CNTNAP2: variants seen among roughly 807,000 people sequenced by gnomAD.
The protein encoded by CNTNAP2 is contactin associated protein 2, also known as contactin-associated protein-like 2.
A neutral mutation model predicts 155.2 loss-of-function variants in CNTNAP2; 98 were observed. That is an observed-to-expected ratio of 0.63 (90% CI 0.54 to 0.75). The LOEUF (loss-of-function observed/expected upper bound fraction) is 0.75, where lower values mean the gene tolerates loss of function less well. CNTNAP2 is among the 30% of genes least tolerant of loss of function. The probability of loss-of-function intolerance (pLI) is 0.00; values close to 1 mark genes in which losing one functional copy is unlikely to be tolerated. For missense variants in CNTNAP2, 1,727 were observed against 1,688.1 expected (o/e 1.02, Z -0.40); for synonymous variants, 651 against 631.2 (o/e 1.03, Z -0.47).
chr7:147,700,117 T>G (rs1796214136), intron 13 of CNTNAP2, among the ~76,000 whole-genome samples: 1 of 152,202 alleles, frequency 6.6e-6, no homozygotes, highest in African/African-American at 2.4e-5. Context: ...GAATCATACC[T>G]AGTCCTAAGT....
chr7:147,884,034 T>G (rs1338793628), intron 13 of CNTNAP2, among the ~76,000 whole-genome samples: 1 of 151,964 alleles, frequency 6.6e-6, no homozygotes, highest in Non-Finnish European at 1.5e-5. Context: ...TCTTTGGAGG[T>G]TATTAAGTGA....
chr7:146,605,837 G>A (rs1386109378), intron 1 of CNTNAP2, among the ~76,000 whole-genome samples: 2 of 152,070 alleles, frequency 1.3e-5, no homozygotes, highest in Non-Finnish European at 2.9e-5. Flanking sequence ...TGTCTCGAAT[G>A]CTGTTGAAAA....
At chr7:147,439,462 A>G (rs187924177) in intron 10 of CNTNAP2, among the ~76,000 whole-genome samples, 3 of 151,812 alleles carry the variant, frequency 2.0e-5, no homozygotes, top group East Asian at 1.9e-4. Context: ...TATTATTTCA[A>G]TTTTTTTAAT....
At chr7:146,782,039 T>G (rs1468848057) in intron 2 of CNTNAP2, among the ~76,000 whole-genome samples, 1 of 152,182 alleles carries the variant, frequency 6.6e-6, no homozygotes, top group Non-Finnish European at 1.5e-5. Flanking sequence ...TTAGGAAGCT[T>G]TATTCTTAGA....
intron 15 of CNTNAP2, among the ~76,000 whole-genome samples, chr7:148,022,497 A>G (rs1376974920): frequency 1.3e-5 from 2 of 151,414 alleles, no homozygotes; most frequent in African/African-American, 4.8e-5. Flanking sequence ...AAAGAAAAGA[A>G]AAAGAATCTG....
chr7:147,002,499 A>G (rs1403289264), intron 3 of CNTNAP2, among the ~76,000 whole-genome samples: 1 of 152,072 alleles, frequency 6.6e-6, no homozygotes. Context: ...GTTAGAATGA[A>G]CACATACATT....
At chr7:146,596,316 G>A (rs1056737361) in intron 1 of CNTNAP2, among the ~76,000 whole-genome samples, 1 of 151,882 alleles carries the variant, frequency 6.6e-6, no homozygotes, top group Non-Finnish European at 1.5e-5. Flanking sequence ...AGCTGAGGTG[G>A]AGTGAATTGG....
intron 2 of CNTNAP2, among the ~76,000 whole-genome samples, chr7:146,785,021 G>T (rs893962717): frequency 1.3e-5 from 2 of 150,112 alleles, no homozygotes; most frequent in African/African-American, 4.9e-5. Flanking sequence ...CCAGGCTAGA[G>T]TGCAGTGGCA....
intron 13 of CNTNAP2, among the ~76,000 whole-genome samples, chr7:147,644,243 G>A (rs771358334): frequency 1.1e-4 from 16 of 152,030 alleles, no homozygotes; most frequent in Non-Finnish European, 2.1e-4. Context: ...TTATATCCCC[G>A]GATTTGTAAA....
chr7:147,515,443 C>G (rs1350340967), intron 11 of CNTNAP2, among the ~76,000 whole-genome samples: 2 of 151,570 alleles, frequency 1.3e-5, no homozygotes, highest in Non-Finnish European at 2.9e-5. Flanking sequence ...CTGCCTCAGC[C>G]TCCCAAGTAG....
At chr7:147,542,759 T>C (rs889872273) in intron 11 of CNTNAP2, among the ~76,000 whole-genome samples, 1 of 152,242 alleles carries the variant, frequency 6.6e-6, no homozygotes, top group South Asian at 2.1e-4. Context: ...ACAATATTTA[T>C]GTGCTCTGAA....
At chr7:148,206,122 T>C (rs937222757) in intron 18 of CNTNAP2, among the ~76,000 whole-genome samples, 1 of 151,078 alleles carries the variant, frequency 6.6e-6, no homozygotes, top group Non-Finnish European at 1.5e-5. Context: ...TATTTTTTTA[T>C]AGAAATGGGA....
chr7:147,676,541 ATTGT>A, intron 13 of CNTNAP2, among the ~76,000 whole-genome samples: 1 of 152,040 alleles, frequency 6.6e-6, no homozygotes, highest in South Asian at 2.1e-4. Context: ...TTCTCTTAGC[ATTGT>A]TTAAGAATAC....
intron 1 of CNTNAP2, among the ~76,000 whole-genome samples, chr7:146,641,188 A>G (rs536642869): frequency 6.6e-5 from 10 of 152,204 alleles, no homozygotes; most frequent in South Asian, 6.2e-4. Context: ...TTAGCCAGGC[A>G]TGGTGGCGGG....
chr7:146,953,695 T>C (rs1484398920), intron 3 of CNTNAP2, among the ~76,000 whole-genome samples: 6 of 151,908 alleles, frequency 3.9e-5, no homozygotes, highest in Non-Finnish European at 2.9e-5. Flanking sequence ...AATGGAGATA[T>C]CACATTCATC....
chr7:147,016,326 A>G (rs982030880), intron 3 of CNTNAP2, among the ~76,000 whole-genome samples: 14 of 152,192 alleles, frequency 9.2e-5, no homozygotes, highest in African/African-American at 3.4e-4. Context: ...TCCTGTATTT[A>G]GCATGACAGG....
At chr7:146,129,630 A>G (rs1469693239) in intron 1 of CNTNAP2, among the ~76,000 whole-genome samples, 2 of 152,158 alleles carry the variant, frequency 1.3e-5, no homozygotes, top group Non-Finnish European at 2.9e-5. Context: ...TATTTTCTTT[A>G]TTATCCACTT....
chr7:146,634,682 G>T (rs1459667836), intron 1 of CNTNAP2, among the ~76,000 whole-genome samples: 1 of 152,174 alleles, frequency 6.6e-6, no homozygotes, highest in Non-Finnish European at 1.5e-5. Flanking sequence ...CAGTGTTGAT[G>T]ACAAGCTTCC....
At chr7:146,665,560 T>C (rs1800175615) in intron 1 of CNTNAP2, among the ~76,000 whole-genome samples, 1 of 151,672 alleles carries the variant, frequency 6.6e-6, no homozygotes, top group Non-Finnish European at 1.5e-5. Flanking sequence ...GGCGGGTGGA[T>C]CACCTGAGGT....
Sources: allele counts gnomAD v4.1 joint callset (sites outside exome capture counted in the v4.1 genomes callset), GRCh38; gene constraint gnomAD v4.1.1; transcripts MANE v1.5; gene names NCBI Gene and HGNC (gene_info 2026-07-23, HGNC 2026-07-21).